The following PRKAR1A variants were observed in gnomAD, a reference collection of about 807,000 sequenced individuals.
The protein encoded by PRKAR1A is protein kinase cAMP-dependent type I regulatory subunit alpha.
Under a neutral mutation model 52.0 loss-of-function variants are expected in PRKAR1A, and 3 were observed. The observed-to-expected ratio is 0.06, with a 90% CI of 0.03 to 0.15. PRKAR1A has a LOEUF of 0.15. Ranked by LOEUF, PRKAR1A falls within the 10% of genes least tolerant of loss-of-function variation. PRKAR1A has a pLI of 1.00. For missense variants in PRKAR1A, 240 were observed against 477.4 expected (o/e 0.50, Z 4.63); for synonymous variants, 188 against 168.4 (o/e 1.12, Z -0.90).
the PRKAR1A span, among the ~76,000 whole-genome samples, chr17:68,431,046 G>A: frequency 1.9e-4 from 29 of 152,172 alleles, no homozygotes; most frequent in Admixed American, 3.3e-4. Context: ...TCTGTGATCC[G>A]AAGCATCCTG....
At chr17:68,421,817 TTATC>T in the PRKAR1A span, 1 of 1,614,218 alleles carries the variant, frequency 6.2e-7, no homozygotes, top group Non-Finnish European at 8.5e-7. Flanking sequence ...CGGCACAAGA[TTATC>T]TACCAAAATC....
the PRKAR1A span, among the ~76,000 whole-genome samples, chr17:68,480,225 T>G: frequency 6.6e-6 from 1 of 152,248 alleles, no homozygotes; most frequent in East Asian, 1.9e-4. Context: ...ACATACTTGA[T>G]TGAAAGTATT....
At position 68,530,751 on chromosome 17, in the gene PRKAR1A, C is replaced by T. The variant is rs2085953186; in HGVS notation, c.*302C>T. On this transcript the variant is annotated 3_prime_UTR_variant, in exon 11 of 11. Coordinates refer to ENST00000589228, the MANE Select transcript of PRKAR1A (RefSeq NM_002734.5). ...CATGCTTTTTGGTGAGGGCAGATCC[C>T]AGCACCTATTGAATTACCATAGAGT... The T allele has an allele frequency of 1.5e-6, 2 of 1,326,886 alleles. No individual in the cohort carries two copies. The highest frequency in any genetic ancestry group is 1.9e-6 in the Non-Finnish European group (2 of 1,031,964). The allele number at this position is 1,326,886 out of a possible 1,614,324, so 82.2% of individuals were successfully genotyped here. A position where few individuals can be genotyped will look rare whatever the true frequency, so the allele number is the denominator to read the frequency against.
chr17:68,472,603 A>G, the PRKAR1A span, among the ~76,000 whole-genome samples: 1 of 152,210 alleles, frequency 6.6e-6, no homozygotes, highest in Non-Finnish European at 1.5e-5. Flanking sequence ...ATGCGTGAGC[A>G]TCACACTTAA....
chr17:68,480,700 G>A, the PRKAR1A span, among the ~76,000 whole-genome samples: 3 of 152,196 alleles, frequency 2.0e-5, no homozygotes, highest in South Asian at 2.1e-4. Context: ...GGCATGTGCC[G>A]TGAGGCTTGG....
chr17:68,417,253 C>T, the PRKAR1A span, among the ~76,000 whole-genome samples: 8 of 152,152 alleles, frequency 5.3e-5, no homozygotes, highest in Non-Finnish European at 1.0e-4. Flanking sequence ...GTCAGTTAGG[C>T]TGTGAGAAAA....
intron 11 of PRKAR1A, chr17:68,542,204 G>T (rs888911391): frequency 6.2e-7 from 1 of 1,608,742 alleles, no homozygotes; most frequent in Non-Finnish European, 8.5e-7. Context: ...TAAGTGGAGG[G>T]CTCTGGAGGC....
chr17:68,507,919 G>A (rs746868628), upstream of PRKAR1A, among the ~76,000 whole-genome samples: 8 of 152,150 alleles, frequency 5.3e-5, no homozygotes, highest in Non-Finnish European at 1.2e-4. Flanking sequence ...GGTAGGCCAT[G>A]CTACCCAGTT....
At chr17:68,489,364 G>GTATATATATATATATATATGGAAAGTATA in the PRKAR1A span, among the ~76,000 whole-genome samples, 2 of 47,854 alleles carry the variant, frequency 4.2e-5, no homozygotes, top group East Asian at 1.0e-3. Context: ...TATATGGAAA[G>GTATATATATATATATATATGGAAAGTATA]TATATATATA....
At chr17:68,427,745 C>T in the PRKAR1A span, among the ~76,000 whole-genome samples, 3 of 152,232 alleles carry the variant, frequency 2.0e-5, no homozygotes, top group African/African-American at 4.8e-5. Flanking sequence ...AAGATTAGTC[C>T]TCTGCTCTTC....
the PRKAR1A span, among the ~76,000 whole-genome samples, chr17:68,480,706 C>T: frequency 6.6e-6 from 1 of 152,110 alleles, no homozygotes; most frequent in East Asian, 1.9e-4. Flanking sequence ...TGCCGTGAGG[C>T]TTGGCTGATT....
At chr17:68,419,824 G>T in the PRKAR1A span, among the ~76,000 whole-genome samples, 1 of 151,620 alleles carries the variant, frequency 6.6e-6, no homozygotes, top group Non-Finnish European at 1.5e-5. Context: ...TGGGCGTGGT[G>T]GTGCATGCCT....
At chr17:68,421,896 G>A in the PRKAR1A span, 70 of 1,590,556 alleles carry the variant, frequency 4.4e-5, no homozygotes, top group Non-Finnish European at 5.8e-5. Context: ...CAACAGGTCT[G>A]TGCCCATGCA....
chr17:68,441,271 T>A, the PRKAR1A span, among the ~76,000 whole-genome samples: 1 of 152,178 alleles, frequency 6.6e-6, no homozygotes, highest in East Asian at 1.9e-4. Flanking sequence ...GGAACGGGCA[T>A]GACACAAACA....
the PRKAR1A span, among the ~76,000 whole-genome samples, chr17:68,470,197 T>C: frequency 0.79 from 119,527 of 151,730 alleles, 47,468 homozygotes; most frequent in African/African-American, 0.84. Flanking sequence ...ATTCTCCTGC[T>C]TCAGCCTCCT....
At chr17:68,452,359 G>C in the PRKAR1A span, among the ~76,000 whole-genome samples, 1 of 152,348 alleles carries the variant, frequency 6.6e-6, no homozygotes, top group Admixed American at 6.5e-5. Flanking sequence ...AAAGTCAGGA[G>C]TTGGAGACCA....
At chr17:68,494,337 C>T in the PRKAR1A span, among the ~76,000 whole-genome samples, 3 of 152,028 alleles carry the variant, frequency 2.0e-5, no homozygotes, top group Non-Finnish European at 4.4e-5. Flanking sequence ...GTCAGGAGTT[C>T]GAGACCAGCC....
chr17:68,481,183 A>T, the PRKAR1A span, among the ~76,000 whole-genome samples: 1 of 152,256 alleles, frequency 6.6e-6, no homozygotes, highest in East Asian at 1.9e-4. Context: ...TTGAAAGCTT[A>T]GTTACGCATT....
chr17:68,506,513 TCG>T, the PRKAR1A span, among the ~76,000 whole-genome samples: 2,755 of 151,528 alleles, frequency 0.018, 77 homozygotes, highest in African/African-American at 0.062. Flanking sequence ...AGACAGAGTG[TCG>T]CTCTATCACC....
Sources: gnomAD v4.1 joint callset for allele counts (sites outside exome capture counted in the v4.1 genomes callset) on GRCh38, gnomAD v4.1.1 for gene constraint, MANE v1.5 for transcripts, NCBI Gene and HGNC (gene_info 2026-07-23, HGNC 2026-07-21) for gene names.